Variants in GPR176 observed in about 807,000 individuals in gnomAD.
The protein encoded by GPR176 is G protein-coupled receptor 176.
A neutral mutation model predicts 35.4 loss-of-function variants in GPR176; 26 were observed. That is an observed-to-expected ratio of 0.74 (90% confidence interval 0.54 to 1.02). The LOEUF is 1.02. Among genes scored for constraint, GPR176 ranks in the 50% least tolerant of loss-of-function variants. The pLI is 0.00. For synonymous variants in GPR176, 278 were observed against 271.3 expected, an observed-to-expected ratio of 1.02 and a Z score of -0.24; for missense variants, 597 against 665.3, an observed-to-expected ratio of 0.90 and a Z score of 1.13.
intron 1 of GPR176, among the ~76,000 whole-genome samples, chr15:39,833,722 C>T (rs1344967301): frequency 6.6e-6 from 1 of 152,086 alleles, no homozygotes; most frequent in Non-Finnish European, 1.5e-5. Flanking sequence ...AAGATATGAG[C>T]ACAAAACTGA....
intron 1 of GPR176, among the ~76,000 whole-genome samples, chr15:39,848,936 A>G (rs151255372): frequency 6.6e-6 from 1 of 151,348 alleles, no homozygotes; most frequent in East Asian, 1.9e-4. Context: ...AAAACCTAAA[A>G]AAAAGAAAAA....
chr15:39,811,683 A>G (rs374817807), intron 1 of GPR176, among the ~76,000 whole-genome samples: 87 of 152,110 alleles, frequency 5.7e-4, no homozygotes, highest in South Asian at 1.5e-3. Flanking sequence ...TTGGGAGGCC[A>G]AGGCGGGCAG....
At chr15:39,810,294 G>A (rs78770197) in intron 1 of GPR176, among the ~76,000 whole-genome samples, 3,623 of 152,278 alleles carry the variant, frequency 0.024, 157 homozygotes, top group African/African-American at 0.081. Context: ...TTCTCGTTCT[G>A]TAATATACTT....
At chr15:39,816,919 C>T (rs1899942016) in intron 1 of GPR176, among the ~76,000 whole-genome samples, 1 of 151,558 alleles carries the variant, frequency 6.6e-6, no homozygotes, top group South Asian at 2.1e-4. Context: ...AATAAGAAAG[C>T]TTAGCCTGGT....
At chr15:39,879,012 T>C (rs189232626) in intron 1 of GPR176, among the ~76,000 whole-genome samples, 378 of 152,214 alleles carry the variant, frequency 2.5e-3, no homozygotes, top group African/African-American at 8.6e-3. Context: ...GCCTGAAGGG[T>C]GGTACACCTT....
chr15:39,855,761 A>C (rs761037831), intron 1 of GPR176, among the ~76,000 whole-genome samples: 6 of 152,242 alleles, frequency 3.9e-5, no homozygotes, highest in Non-Finnish European at 8.8e-5. Flanking sequence ...TCAGCTGAGC[A>C]AAGTGGATTC....
At chr15:39,813,039 T>C (rs545933009) in intron 1 of GPR176, among the ~76,000 whole-genome samples, 113 of 152,300 alleles carry the variant, frequency 7.4e-4, no homozygotes, top group African/African-American at 2.4e-3. Flanking sequence ...CTGGGCCTCT[T>C]CTCAGCTTTT....
Position 39,801,889 on chromosome 15 carries a change from A to G in GPR176, c.791T>C (p.Leu264Pro). 6.2e-7 allele frequency: 1 copy of G among 1,614,118 alleles called. No individual in the cohort carries two copies. Among genetic ancestry groups the G allele is most frequent in the Non-Finnish European group, 8.5e-7 (1 of 1,180,018 alleles). Reference protein sequence around the residue: ...IPYASQREAELHATLLSMVMV... With the variant: ...IPYASQREAEPHATLLSMVMV... Reference sequence around the variant, plus strand: ...CACCATGGAGAGCAGGGTGGCGTGCAGCTCGGCCTCCCGCTGGGAGGCATA... The same window carrying G: ...CACCATGGAGAGCAGGGTGGCGTGCGGCTCGGCCTCCCGCTGGGAGGCATA... The change falls in exon 3 of 3, where the codon CTG becomes CCG. Residue 264 changes from leucine (L) to proline (P), a missense_variant. Leu to Pro is a moderately conservative substitution (Grantham distance 98). Transcript: ENST00000561100.
At chr15:39,841,637 C>T (rs187705737) in intron 1 of GPR176, among the ~76,000 whole-genome samples, 10 of 152,218 alleles carry the variant, frequency 6.6e-5, no homozygotes, top group Non-Finnish European at 1.3e-4. Context: ...AGGGTTCCCC[C>T]ACAGGTTTCA....
intron 1 of GPR176, among the ~76,000 whole-genome samples, chr15:39,819,853 G>C (rs556305751): frequency 6.6e-6 from 1 of 152,336 alleles, no homozygotes; most frequent in South Asian, 2.1e-4. Context: ...CTGGGACCTA[G>C]CATAGCTGAT....
chr15:39,846,867 G>T (rs1051550457), intron 1 of GPR176, among the ~76,000 whole-genome samples: 2 of 151,810 alleles, frequency 1.3e-5, no homozygotes, highest in Admixed American at 6.6e-5. Flanking sequence ...TAATAGAAAT[G>T]GTAAAATTAT....
rs1411250808 is a variant in GPR176, at chr15:39,806,868, C to T, written c.425+138G>A. 8.1e-6 allele frequency: 6 copies of T among 744,280 alleles called. No homozygotes were observed. The East Asian group carries it at 1.6e-4, about 20-fold the overall frequency. 46.1% of individuals were successfully genotyped at this position (744,280 alleles called of 1,614,324 possible). ...TCCTTTGTGAGGCATCTGTTTTGCA[C>T]ATTTATTCCCTTTCTGTTGATCACA... On this transcript the variant is annotated intron_variant, in intron 2 of 2. Transcript: ENST00000561100.
At position 39,902,148 on chromosome 15, in the gene GPR176, G is replaced by A. The variant is rs538583330; in HGVS notation, c.172+17707C>T. ...ACCCACTAAAACAGAATTTCTGTTG[G>A]TGAAACTCAATAATTTGCATTTTGA... On this transcript the variant is annotated intron_variant, in intron 1 of 2. Transcript: ENST00000561100. Among the ~76,000 whole-genome samples, 15 of 152,274 alleles carry A rather than the reference G, an allele frequency of 9.9e-5. No individual in the cohort carries two copies. In the South Asian group the frequency reaches 3.1e-3, roughly 32 times the overall value.
At chr15:39,919,381 G>A (rs2033813126) in intron 1 of GPR176, among the ~76,000 whole-genome samples, 1 of 152,050 alleles carries the variant, frequency 6.6e-6, no homozygotes, top group South Asian at 2.1e-4. Context: ...AGTAAAACAC[G>A]CACAAAATAA....
intron 1 of GPR176, among the ~76,000 whole-genome samples, chr15:39,841,754 C>A (rs1422066406): frequency 1.3e-5 from 2 of 152,140 alleles, no homozygotes; most frequent in African/African-American, 4.8e-5. Flanking sequence ...TACTTTGATA[C>A]AGCAGCCCAG....
intron 1 of GPR176, among the ~76,000 whole-genome samples, chr15:39,818,970 A>G (rs1157866685): frequency 1.3e-5 from 2 of 152,234 alleles, no homozygotes; most frequent in Non-Finnish European, 2.9e-5. Flanking sequence ...GAAGCACATT[A>G]TTCTCTGAAA....
At position 39,901,362 on chromosome 15, in the gene GPR176, A is replaced by G. The variant is rs146018395; in HGVS notation, c.172+18493T>C. 1.7e-3 allele frequency among the ~76,000 whole-genome samples: 260 copies of G among 152,326 alleles called. 1 individual carries two copies. The highest frequency in any genetic ancestry group is 5.6e-3 in the African/African-American group (233 of 41,580). On this transcript the variant is annotated intron_variant, in intron 1 of 2. Transcript: ENST00000561100. ...GTATAAAATTTTTAGGAAAGTTTCT[A>G]TAAGTCAGATTACGGAAGGGGCCCT...
intron 1 of GPR176, among the ~76,000 whole-genome samples, chr15:39,862,712 C>T (rs2031654023): frequency 6.6e-6 from 1 of 152,160 alleles, no homozygotes; most frequent in Non-Finnish European, 1.5e-5. Flanking sequence ...CAAACCTGCA[C>T]TGCCATTCAT....
intron 1 of GPR176, among the ~76,000 whole-genome samples, chr15:39,809,713 C>T (rs188761872): frequency 2.6e-5 from 4 of 152,228 alleles, no homozygotes; most frequent in Middle Eastern, 3.4e-3. Flanking sequence ...CACAGCAACA[C>T]AATTAGGACA....
Sources: gnomAD v4.1 joint callset for allele counts (sites outside exome capture counted in the v4.1 genomes callset) on GRCh38, gnomAD v4.1.1 for gene constraint, MANE v1.5 for transcripts, NCBI Gene and HGNC (gene_info 2026-07-23, HGNC 2026-07-21) for gene names.